SYCN: variants seen among roughly 807,000 people sequenced by gnomAD.
SYCN encodes the protein syncollin.
A neutral mutation model predicts 12.6 loss-of-function variants in SYCN; 16 were observed. The ratio of observed to expected loss-of-function variants is 1.27; its 90% CI spans 0.86 to 1.92. The LOEUF is 1.92. SYCN is among the 30% of genes most tolerant of loss of function. The probability of loss-of-function intolerance (pLI) is 0.00; values close to 1 mark genes in which losing one functional copy is unlikely to be tolerated. For missense variants in SYCN, 226 were observed against 181.8 expected (o/e 1.24, Z -1.40); for synonymous variants, 97 against 88.4 (o/e 1.10, Z -0.55).
chr19:39,204,047 G>T lies in SYCN; in HGVS notation c.208C>A (p.Pro70Thr). 6.2e-7 allele frequency: 1 copy of T among 1,612,590 alleles called. No individual in the cohort carries two copies. The highest frequency in any genetic ancestry group is 8.5e-7 in the Non-Finnish European group (1 of 1,179,370). The change falls in exon 1 of 2, where the codon CCC becomes ACC. Residue 70 changes from proline to threonine, a missense_variant. Physicochemically the swap from Pro to Thr is conservative, Grantham distance 38. Coordinates refer to ENST00000318438, the MANE Select transcript of SYCN (RefSeq NM_001080468.4). ...LESGADLPYL[P>T]SNWANTASSL... Reference sequence around the variant, plus strand: ...GAGGCGGTGTTGGCCCAGTTGGAGGGCAGGTAGGGCAGGTCTGCGCCCGAC... The same window carrying T: ...GAGGCGGTGTTGGCCCAGTTGGAGGTCAGGTAGGGCAGGTCTGCGCCCGAC...
At chr19:39,203,372 T>C (rs919646112) in intron 1 of SYCN, among the ~76,000 whole-genome samples, 2 of 151,344 alleles carry the variant, frequency 1.3e-5, no homozygotes. Flanking sequence ...TATAATCGAG[T>C]CTGGAGTCTT....
At position 39,204,060 on chromosome 19, in the gene SYCN, G is replaced by A. The variant is rs2144937519; in HGVS notation, c.195C>T (p.Asp65=). The change falls in exon 1 of 2, where the codon GAC becomes GAT. Residue 65 remains aspartate (D), a synonymous_variant. Transcript: ENST00000318438. ...GAELSLESGA[D]LPYLPSNWAN... ...CCCAGTTGGAGGGCAGGTAGGGCAG[G>A]TCTGCGCCCGACTCCAGCGACAGCT... 6.2e-7 allele frequency: 1 copy of A among 1,612,882 alleles called. No homozygotes were observed. Among genetic ancestry groups the A allele is most frequent in the Non-Finnish European group, 8.5e-7 (1 of 1,179,514 alleles).
intron 1 of SYCN, among the ~76,000 whole-genome samples, 161 bp from the exon 2 acceptor site, chr19:39,203,157 T>G (rs1442747688): frequency 1.3e-5 from 2 of 150,378 alleles, no homozygotes; most frequent in Non-Finnish European, 3.0e-5. Context: ...GGGGGCTCCT[T>G]GGAGCTCTTG....
rs770041299 is a variant in SYCN, at chr19:39,203,964, C to T, written c.291G>A (p.Ala97=). Residue 97 remains alanine (A), a synonymous_variant, in exon 1 of 2, where the codon GCG becomes GCA. Coordinates refer to ENST00000318438, the MANE Select transcript of SYCN (RefSeq NM_001080468.4). The part of the protein sequence containing the change: ...ELTVWSRQGK[A]GKTHKFSAGT... ...CGGCAGAGAACTTGTGCGTCTTGCC[C>T]GCCTTGCCTTGCCGGGACCACACGG... The T allele has an allele frequency of 9.0e-5, 145 of 1,609,052 alleles. No homozygotes were observed. The highest frequency in any genetic ancestry group is 1.2e-4 in the Non-Finnish European group (136 of 1,178,046).
At position 39,203,859 on chromosome 19, in the gene SYCN, C is replaced by A. The variant is rs966531542; in HGVS notation, c.395+1G>T. ...GCTCGGAGCTTTGGGCGGCCGGGCA[C>A]CTGCAGTAGAGCGCGGAGATAGCGT... On this transcript the variant is annotated splice_donor_variant, in intron 1 of 1. Transcript: ENST00000318438. LOFTEE classifies it high-confidence loss of function. 1.9e-6 allele frequency: 3 copies of A among 1,579,904 alleles called. No individual in the cohort carries two copies. In the Admixed American group the frequency reaches 5.2e-5, roughly 27 times the overall value.
At position 39,203,809 on chromosome 19, in the gene SYCN, G is replaced by C. The variant is rs376848791; in HGVS notation, c.395+51C>G. 7.4e-3 allele frequency: 11,370 copies of C among 1,533,930 alleles called. 56 individuals are homozygous for C. Among genetic ancestry groups the C allele is most frequent in the South Asian group, 0.014 (1,110 of 78,270 alleles). ...GGTGGTGGGTGTGGGGGCTTATGCGGAGCTGGGGCCTGGGCCTGGGGTGGG... is the reference window on the plus strand; with the variant it reads ...GGTGGTGGGTGTGGGGGCTTATGCGCAGCTGGGGCCTGGGCCTGGGGTGGG... On this transcript the variant is annotated intron_variant, in intron 1 of 1. Coordinates refer to ENST00000318438, the MANE Select transcript of SYCN (RefSeq NM_001080468.4).
chr19:39,203,445 T>C (rs541760328), intron 1 of SYCN, among the ~76,000 whole-genome samples: 2 of 151,858 alleles, frequency 1.3e-5, no homozygotes, highest in East Asian at 2.0e-4. Context: ...GAGTGGGGGC[T>C]GGCTTTGGTT....
chr19:39,203,717 T>C (rs565619424), intron 1 of SYCN, 143 bp downstream of exon 1: 1 of 1,014,210 alleles, frequency 9.9e-7, no homozygotes, highest in South Asian at 1.8e-5. Context: ...CAGGACTGGT[T>C]CTAGGGAGGC....
In SYCN at chr19:39,203,870, G is replaced by A. The variant is rs748546343; in HGVS notation, c.385C>T (p.Leu129Phe). The change falls in exon 1 of 2, where the codon CTC becomes TTC. Residue 129 changes from leucine (L) to phenylalanine (F), a missense_variant. Leu to Phe is a conservative substitution (Grantham distance 22, BLOSUM62 0). Coordinates refer to ENST00000318438, the MANE Select transcript of SYCN (RefSeq NM_001080468.4). Reference protein sequence around the residue: ...LGDWSNAISALYCRCS With the variant: ...LGDWSNAISAFYCRCS ...TGGGCGGCCGGGCACCTGCAGTAGAGCGCGGAGATAGCGTTGGACCAGTCT... is the reference window on the plus strand; with the variant it reads ...TGGGCGGCCGGGCACCTGCAGTAGAACGCGGAGATAGCGTTGGACCAGTCT... 1.3e-6 allele frequency: 2 copies of A among 1,595,250 alleles called. No individual in the cohort carries two copies. Among genetic ancestry groups the A allele is most frequent in the Non-Finnish European group, 8.6e-7 (1 of 1,168,626 alleles).
Position 39,202,961 on chromosome 19 carries a change from G to A in SYCN, c.*26C>T, listed in dbSNP as rs747884808. ...GTGAGGGGCTTGGCACTCTGTGGAA[G>A]CTGCAGATGAGAGACCAGCAATGCA... is the stretch of plus-strand genomic sequence containing the variant. On this transcript the variant is annotated 3_prime_UTR_variant, in exon 2 of 2. Transcript: ENST00000318438. The A allele has an allele frequency of 2.3e-4, 365 of 1,579,630 alleles. No homozygotes were observed. The highest frequency in any genetic ancestry group is 2.9e-4 in the Non-Finnish European group (333 of 1,163,930).
rs750836730 is a variant in SYCN, at chr19:39,204,174, G to A, written c.81C>T (p.Ala27=). The A allele has an allele frequency of 1.2e-6, 2 of 1,611,698 alleles. No individual in the cohort carries two copies. The highest frequency in any genetic ancestry group is 1.7e-6 in the Non-Finnish European group (2 of 1,179,556). Residue 27 remains alanine, a synonymous_variant, in exon 1 of 2, where the codon GCC becomes GCT. Coordinates refer to ENST00000318438, the MANE Select transcript of SYCN (RefSeq NM_001080468.4). ...PCAQGACPAS[A]DLKHSDGTRT... ...GCGTCCCGTCCGAGTGCTTGAGGTCGGCGGAGGCGGGGCAGGCGCCCTGGG... is the reference window on the plus strand; with the variant it reads ...GCGTCCCGTCCGAGTGCTTGAGGTCAGCGGAGGCGGGGCAGGCGCCCTGGG...
At position 39,203,849 on chromosome 19, in the gene SYCN, C is replaced by A. The variant is rs746722590; in HGVS notation, c.395+11G>T. ...CCTGGGGTGGGCTCGGAGCTTTGGG[C>A]GGCCGGGCACCTGCAGTAGAGCGCG... is the stretch of plus-strand genomic sequence containing the variant. On this transcript the variant is annotated intron_variant, in intron 1 of 1. Coordinates refer to ENST00000318438, the MANE Select transcript of SYCN (RefSeq NM_001080468.4). 12 of 1,568,368 alleles carry A rather than the reference C, an allele frequency of 7.7e-6. No individual in the cohort carries two copies. Among genetic ancestry groups the A allele is most frequent in the Non-Finnish European group, 1.0e-5 (12 of 1,153,548 alleles).
chr19:39,204,225 G>T lies in SYCN; in HGVS notation c.30C>A (p.Ala10=). 6.3e-7 allele frequency: 1 copy of T among 1,594,956 alleles called. No individual in the cohort carries two copies. Reference sequence around the variant, plus strand: ...CGCAAGGCACGGAGGCAAGGGCCAGGGCCAGCAGCAGCGGGCGCAGCGGGG... The same window carrying T: ...CGCAAGGCACGGAGGCAAGGGCCAGTGCCAGCAGCAGCGGGCGCAGCGGGG... MSPLRPLLL[A]LALASVPCAQ... Residue 10 remains alanine, a synonymous_variant, in exon 1 of 2, where the codon GCC becomes GCA. Transcript: ENST00000318438.
In SYCN at chr19:39,204,237, C is replaced by T. The variant is rs762472722; in HGVS notation, c.18G>A (p.Pro6=). 6.4e-6 allele frequency: 10 copies of T among 1,574,452 alleles called. No individual in the cohort carries two copies. Among genetic ancestry groups the T allele is most frequent in the East Asian group, 2.3e-5 (1 of 44,258 alleles). The change falls in exon 1 of 2, where the codon CCG becomes CCA. Residue 6 remains proline, a synonymous_variant. Coordinates refer to ENST00000318438, the MANE Select transcript of SYCN (RefSeq NM_001080468.4). ...AGGCAAGGGCCAGGGCCAGCAGCAG[C>T]GGGCGCAGCGGGGACATGGTGGCAG... MSPLR[P]LLLALALASV...
At position 39,202,995 on chromosome 19, in the gene SYCN, A is replaced by G; in HGVS notation, c.397T>C (p.Cys133Arg). ...GAGAGACCAGCAATGCATCAGCTGC[A>G]CCTGAAATGTAATCAAGAATTCCTT... is the stretch of plus-strand genomic sequence containing the variant. The part of the protein sequence containing the change: ...SNAISALYCR[C>R]S Residue 133 changes from cysteine (C) to arginine (R), a missense_variant and splice_region_variant, in exon 2 of 2, where the codon TGC (cysteine) becomes CGC (arginine). Physicochemically the swap from Cys to Arg is radical, Grantham distance 180. Coordinates refer to ENST00000318438, the MANE Select transcript of SYCN (RefSeq NM_001080468.4). 6.3e-7 allele frequency: 1 copy of G among 1,576,800 alleles called. No individual in the cohort carries two copies. Among genetic ancestry groups the G allele is most frequent in the Non-Finnish European group, 8.6e-7 (1 of 1,161,850 alleles).
At position 39,203,942 on chromosome 19, in the gene SYCN, C is replaced by T. The variant is rs552656687; in HGVS notation, c.313G>A (p.Ala105Thr). The T allele has an allele frequency of 3.0e-5, 49 of 1,610,336 alleles. No homozygotes were observed. The Admixed American group carries it at 3.7e-4, about 12-fold the overall frequency. ...TCCTCCAGGCGCGGGTAGGTGCCGG[C>T]AGAGAACTTGTGCGTCTTGCCCGCC... is the stretch of plus-strand genomic sequence containing the variant. ...GKAGKTHKFS[A>T]GTYPRLEEYR... Residue 105 changes from alanine to threonine, a missense_variant, in exon 1 of 2, where the codon GCC becomes ACC. Transcript: ENST00000318438.
At position 39,203,998 on chromosome 19, in the gene SYCN, C is replaced by A. The variant is rs755742667; in HGVS notation, c.257G>T (p.Cys86Phe). Reference sequence around the variant, plus strand: ...TTGCCGGGACCACACGGTGAGCTCGCAGCGCGGGGCCACCACAAGTGAGGA... The same window carrying A: ...TTGCCGGGACCACACGGTGAGCTCGAAGCGCGGGGCCACCACAAGTGAGGA... The part of the protein sequence containing the change: ...TASSLVVAPR[C>F]ELTVWSRQGK... The change falls in exon 1 of 2, where the codon TGC becomes TTC. Residue 86 changes from cysteine to phenylalanine, a missense_variant. By Grantham distance (205) the Cys-to-Phe change is radical (BLOSUM62 -2). Transcript: ENST00000318438. The A allele has an allele frequency of 6.2e-7, 1 of 1,610,314 alleles. No individual in the cohort carries two copies. The highest frequency in any genetic ancestry group is 8.5e-7 in the Non-Finnish European group (1 of 1,178,512).
intron 1 of SYCN, 21 bp from the exon 2 acceptor site, chr19:39,203,017 C>T (rs938128337): frequency 6.4e-7 from 1 of 1,565,838 alleles, no homozygotes; most frequent in African/African-American, 1.4e-5. Flanking sequence ...ATCAAGAATT[C>T]CTTCCAGGGG....
In SYCN at chr19:39,203,939, C is replaced by T. The variant is rs747271523; in HGVS notation, c.316G>A (p.Gly106Ser). 9.9e-6 allele frequency: 16 copies of T among 1,610,244 alleles called. No individual in the cohort carries two copies. In the East Asian group the frequency reaches 3.1e-4, roughly 31 times the overall value. ...KAGKTHKFSA[G>S]TYPRLEEYRR... is the part of the protein sequence containing the mutation. ...TACTCCTCCAGGCGCGGGTAGGTGCCGGCAGAGAACTTGTGCGTCTTGCCC... is the reference window on the plus strand; with the variant it reads ...TACTCCTCCAGGCGCGGGTAGGTGCTGGCAGAGAACTTGTGCGTCTTGCCC... Residue 106 changes from glycine to serine, a missense_variant, in exon 1 of 2, where the codon GGC (glycine) becomes AGC (serine). Gly to Ser is a moderately conservative substitution (Grantham distance 56). Transcript: ENST00000318438.
Sources: allele counts gnomAD v4.1 joint callset (sites outside exome capture counted in the v4.1 genomes callset), GRCh38; gene constraint gnomAD v4.1.1; transcripts MANE v1.5; gene names NCBI Gene and HGNC (gene_info 2026-07-23, HGNC 2026-07-21).